CPQ: variants seen among roughly 807,000 people sequenced by gnomAD.
CPQ encodes Ser-Met dipeptidase.
A neutral mutation model predicts 45.7 loss-of-function variants in CPQ; 37 were observed. The ratio of observed to expected loss-of-function variants is 0.81; its 90% CI spans 0.62 to 1.07. The LOEUF is 1.07. CPQ is among the 50% of genes least tolerant of loss of function. The pLI, the probability that CPQ is intolerant of heterozygous loss-of-function variation, is 0.00. For synonymous variants in CPQ, 186 were observed against 205.8 expected (o/e 0.90, Z 0.82); for missense variants, 537 against 572.9 (o/e 0.94, Z 0.64).
intron 7 of CPQ, among the ~76,000 whole-genome samples, chr8:97,129,247 TC>T (rs1811896884): frequency 6.6e-6 from 1 of 152,280 alleles, no homozygotes; most frequent in African/African-American, 2.4e-5. Flanking sequence ...AGAATTGCCC[TC>T]TCACTCCACT....
intron 5 of CPQ, among the ~76,000 whole-genome samples, chr8:97,008,648 C>A (rs530169046): frequency 6.6e-6 from 1 of 152,264 alleles, no homozygotes; most frequent in African/African-American, 2.4e-5. Flanking sequence ...ATCAGGAGAA[C>A]CTGGCTTTAA....
intron 4 of CPQ, among the ~76,000 whole-genome samples, chr8:96,945,747 A>G (rs1813180490): frequency 6.6e-6 from 1 of 152,120 alleles, no homozygotes; most frequent in South Asian, 2.1e-4. Flanking sequence ...CTTCCCATTA[A>G]CTTGTTCGCT....
chr8:96,892,831 A>AT (rs1425919836), intron 4 of CPQ, among the ~76,000 whole-genome samples: 2 of 152,130 alleles, frequency 1.3e-5, no homozygotes, highest in African/African-American at 4.8e-5. Flanking sequence ...AGTCATATTA[A>AT]TTTGCCAAAA....
At chr8:96,673,139 C>T (rs1173941351) in intron 1 of CPQ, among the ~76,000 whole-genome samples, 1 of 152,236 alleles carries the variant, frequency 6.6e-6, no homozygotes, top group African/African-American at 2.4e-5. Flanking sequence ...CATCCAGGTT[C>T]TTGGCAGTTT....
chr8:96,852,368 A>C (rs1199359975), intron 3 of CPQ, among the ~76,000 whole-genome samples: 1 of 152,200 alleles, frequency 6.6e-6, no homozygotes, highest in Non-Finnish European at 1.5e-5. Flanking sequence ...GGTGAGAGTG[A>C]AGGTAGTTTG....
At position 96,670,356 on chromosome 8, in the gene CPQ, C is replaced by T. The variant is rs116398673; in HGVS notation, c.-35+24954C>T. 6.0e-3 allele frequency among the ~76,000 whole-genome samples: 874 copies of T among 144,954 alleles called. 7 individuals are homozygous for T. Among genetic ancestry groups the T allele is most frequent in the Middle Eastern group, 0.011 (3 of 278 alleles). ...TTTTTTTGGCTGTACTGCACTTGTGCACAAATGACTGCAAAAGCAATGCAA... is the reference window on the plus strand; with the variant it reads ...TTTTTTTGGCTGTACTGCACTTGTGTACAAATGACTGCAAAAGCAATGCAA... On this transcript the variant is annotated intron_variant, in intron 1 of 7. Transcript: ENST00000220763.
intron 7 of CPQ, among the ~76,000 whole-genome samples, chr8:97,124,141 G>A (rs575733121): frequency 2.2e-5 from 3 of 136,520 alleles, no homozygotes; most frequent in South Asian, 4.9e-4. Context: ...CAGGAGAATC[G>A]TTTGAGCTGG....
chr8:96,719,695 T>G (rs1339125471), intron 1 of CPQ, among the ~76,000 whole-genome samples: 3 of 152,160 alleles, frequency 2.0e-5, no homozygotes, highest in Non-Finnish European at 4.4e-5. Flanking sequence ...GTGAGGTCCC[T>G]CCCCTGTGAG....
At chr8:96,980,501 G>C (rs746636242) in intron 5 of CPQ, among the ~76,000 whole-genome samples, 3 of 152,184 alleles carry the variant, frequency 2.0e-5, no homozygotes, top group Non-Finnish European at 4.4e-5. Context: ...TTCAGTTCTT[G>C]ATAGGATAAT....
At chr8:96,870,783 ATT>A (rs1812057429) in intron 3 of CPQ, among the ~76,000 whole-genome samples, 2 of 152,014 alleles carry the variant, frequency 1.3e-5, no homozygotes, top group Admixed American at 6.6e-5. Flanking sequence ...TCTTTGTGGT[ATT>A]TTGTGATTTT....
chr8:96,874,940 A>G (rs1374773829), intron 3 of CPQ, among the ~76,000 whole-genome samples: 1 of 151,996 alleles, frequency 6.6e-6, no homozygotes, highest in African/African-American at 2.4e-5. Flanking sequence ...TAACTATGCC[A>G]TTTCACATGC....
chr8:97,081,125 T>C (rs1810943229), intron 7 of CPQ, among the ~76,000 whole-genome samples: 1 of 152,152 alleles, frequency 6.6e-6, no homozygotes, highest in South Asian at 2.1e-4. Context: ...ACAGAAATAG[T>C]TCATTGATTA....
At chr8:96,816,816 T>C (rs1019836800) in intron 2 of CPQ, among the ~76,000 whole-genome samples, 1 of 152,146 alleles carries the variant, frequency 6.6e-6, no homozygotes, top group East Asian at 1.9e-4. Context: ...AAGGATTTTT[T>C]TTCTGAGCAG....
intron 1 of CPQ, among the ~76,000 whole-genome samples, chr8:96,764,576 T>C (rs1810444229): frequency 6.6e-6 from 1 of 152,224 alleles, no homozygotes; most frequent in Admixed American, 6.5e-5. Context: ...ATGTTAATTA[T>C]ATTTCAGTAC....
intron 1 of CPQ, among the ~76,000 whole-genome samples, chr8:96,729,718 A>G (rs531903610): frequency 1.3e-5 from 2 of 152,280 alleles, no homozygotes; most frequent in South Asian, 4.1e-4. Flanking sequence ...CACTCCCATT[A>G]AAATTAACTA....
At chr8:96,962,009 T>C (rs1016281507) in intron 4 of CPQ, among the ~76,000 whole-genome samples, 4 of 152,182 alleles carry the variant, frequency 2.6e-5, no homozygotes, top group Admixed American at 2.6e-4. Context: ...TGTCTGCACA[T>C]CTTTGATTTC....
intron 3 of CPQ, among the ~76,000 whole-genome samples, chr8:96,878,790 A>G (rs1375202598): frequency 1.3e-5 from 2 of 152,206 alleles, no homozygotes; most frequent in Non-Finnish European, 2.9e-5. Flanking sequence ...TGAAAGGAGG[A>G]GGAGGGCTGT....
At chr8:96,719,733 C>G (rs115319224) in intron 1 of CPQ, among the ~76,000 whole-genome samples, 1,796 of 152,314 alleles carry the variant, frequency 0.012, 47 homozygotes, top group African/African-American at 0.039. Context: ...TTCCCTCTAT[C>G]TCTCCTGGAG....
intron 4 of CPQ, among the ~76,000 whole-genome samples, chr8:96,953,423 C>T (rs1813301398): frequency 6.6e-6 from 1 of 152,128 alleles, no homozygotes; most frequent in South Asian, 2.1e-4. Flanking sequence ...CTCTTTCTCA[C>T]TGGCCTGATT....
Sources: allele counts gnomAD v4.1 joint callset (sites outside exome capture counted in the v4.1 genomes callset), GRCh38; gene constraint gnomAD v4.1.1; transcripts MANE v1.5; gene names NCBI Gene and HGNC (gene_info 2026-07-23, HGNC 2026-07-21).